Variants in C11orf24 observed in about 807,000 individuals in gnomAD.
C11orf24 encodes the protein uncharacterized protein C11orf24.
A neutral mutation model predicts 7.3 loss-of-function variants in C11orf24; 5 were observed. The ratio of observed to expected loss-of-function variants is 0.69; its 90% CI spans 0.36 to 1.45. C11orf24 has a LOEUF of 1.45. Ranked by LOEUF, C11orf24 falls within the 40% of genes most tolerant of loss-of-function variation. C11orf24 has a pLI of 0.03. For missense variants in C11orf24, 566 were observed against 590.5 expected, an observed-to-expected ratio of 0.96 and a Z score of 0.43; for synonymous variants, 233 against 235.7, an observed-to-expected ratio of 0.99 and a Z score of 0.11.
Position 68,262,476 on chromosome 11 carries a change from G to T in C11orf24, c.519C>A (p.Ser173=). 1 of 1,614,136 alleles carries T rather than the reference G, an allele frequency of 6.2e-7. No homozygotes were observed. Among genetic ancestry groups the T allele is most frequent in the Non-Finnish European group, 8.5e-7 (1 of 1,180,018 alleles). ...TLALPAPTST[S]TGRTPSTTAT... is the part of the protein sequence containing the mutation. ...CGGTAGTGGACGGGGTCCGCCCTGT[G>T]GAAGTGGACGTGGGCGCGGGGAGTG... Residue 173 remains serine (S), a synonymous_variant, in exon 4 of 4, where the codon TCC becomes TCA. Transcript: ENST00000304271.
rs1287133688 is a variant in C11orf24, at chr11:68,262,233, T to G, written c.762A>C (p.Gln254His). Reference sequence around the variant, plus strand: ...CCACTGACACCTGGCTAATGGGACCTTGTGCTTGGGGACGCATAGGGGGTA... The same window carrying G: ...CCACTGACACCTGGCTAATGGGACCGTGTGCTTGGGGACGCATAGGGGGTA... ...SPVPPMRPQAQGPISQVSVDQ... is the reference protein window; with the variant it reads ...SPVPPMRPQAHGPISQVSVDQ... Residue 254 changes from glutamine (Q) to histidine (H), a missense_variant, in exon 4 of 4, where the codon CAA (glutamine) becomes CAC (histidine). Gln to His is a conservative substitution (Grantham distance 24, BLOSUM62 0). Transcript: ENST00000304271. The G allele has an allele frequency of 6.2e-7, 1 of 1,612,966 alleles. No individual in the cohort carries two copies. Among genetic ancestry groups the G allele is most frequent in the African/African-American group, 1.3e-5 (1 of 75,016 alleles).
At chr11:68,266,180 A>G (rs1040115642) in intron 2 of C11orf24, among the ~76,000 whole-genome samples, 1 of 152,118 alleles carries the variant, frequency 6.6e-6, no homozygotes, top group Admixed American at 6.6e-5. Context: ...CAGCCACAGG[A>G]CCTCTGAGCC....
rs372084970 is a variant in C11orf24 at position 68,262,374 on chromosome 11, C to T, written c.621G>A (p.Leu207=). ...TCTGAGCACGTGTGGCCAATGTGGC[C>T]AGGGTTGCTGTTCTTGGCAACGCGC... ...KSSALPRTAT[L]ATLATRAQTV... The change falls in exon 4 of 4, where the codon CTG becomes CTA. Residue 207 remains leucine, a synonymous_variant. Coordinates refer to ENST00000304271, the MANE Select transcript of C11orf24 (RefSeq NM_022338.4). 4 of 1,614,150 alleles carry T rather than the reference C, an allele frequency of 2.5e-6. No individual in the cohort carries two copies. The highest frequency in any genetic ancestry group is 3.4e-6 in the Non-Finnish European group (4 of 1,180,014).
chr11:68,266,318 C>T (rs2098565107), intron 2 of C11orf24, among the ~76,000 whole-genome samples: 1 of 152,234 alleles, frequency 6.6e-6, no homozygotes, highest in South Asian at 2.1e-4. Context: ...CACTGCGCAA[C>T]AAGAAGCCCC....
intron 1 of C11orf24, among the ~76,000 whole-genome samples, chr11:68,268,910 C>A (rs571756968): frequency 6.6e-6 from 1 of 152,302 alleles, no homozygotes; most frequent in African/African-American, 2.4e-5. Flanking sequence ...CAACTCTCTA[C>A]TTATTGACAT....
chr11:68,261,937 G>T lies in C11orf24; in HGVS notation c.1058C>A (p.Pro353Gln), dbSNP rs760758424. ...TGTTGGCCCAGTGGAATCAGTACCT[G>T]GTGTGGCTTCAGTCTCTACCTGCTC... is the stretch of plus-strand genomic sequence containing the variant. ...APEQVETEAT[P>Q]GTDSTGPTPR... Residue 353 changes from proline to glutamine, a missense_variant, in exon 4 of 4, where the codon CCA becomes CAA. By Grantham distance (76) the Pro-to-Gln change is moderately conservative. Transcript: ENST00000304271. 1.2e-6 allele frequency: 2 copies of T among 1,613,912 alleles called. No homozygotes were observed. The highest frequency in any genetic ancestry group is 1.7e-6 in the Non-Finnish European group (2 of 1,180,040).
At position 68,263,714 on chromosome 11, in the gene C11orf24, G is replaced by A; in HGVS notation, c.54C>T (p.Ser18=). The stretch of plus-strand genomic sequence containing the variant: ...TACGTGGATCGTTGGATGCCGCATG[G>A]CTTTCAGATAAGGACAAGGAGAAAA... The part of the protein sequence containing the change: ...IWIFSLSLSE[S]HAASNDPRNF... Residue 18 remains serine (S), a synonymous_variant, in exon 3 of 4, where the codon AGC becomes AGT. Coordinates refer to ENST00000304271, the MANE Select transcript of C11orf24 (RefSeq NM_022338.4). 1 of 1,613,632 alleles carries A rather than the reference G, an allele frequency of 6.2e-7. No homozygotes were observed. Among genetic ancestry groups the A allele is most frequent in the South Asian group, 1.1e-5 (1 of 91,064 alleles).
intron 2 of C11orf24, among the ~76,000 whole-genome samples, chr11:68,264,796 A>T (rs1422533667): frequency 6.7e-6 from 1 of 148,332 alleles, no homozygotes; most frequent in Non-Finnish European, 1.5e-5. Flanking sequence ...AAAAGGTGAA[A>T]AACACACAAG....
In C11orf24 at chr11:68,262,738, C is replaced by T. The variant is rs771240712; in HGVS notation, c.257G>A (p.Arg86Lys). 3 of 1,614,176 alleles carry T rather than the reference C, an allele frequency of 1.9e-6. No individual in the cohort carries two copies. Among genetic ancestry groups the T allele is most frequent in the South Asian group, 1.1e-5 (1 of 91,088 alleles). The change falls in exon 4 of 4, where the codon AGG becomes AAG. Residue 86 changes from arginine (R) to lysine (K), a missense_variant. By Grantham distance (26) the Arg-to-Lys change is conservative. Transcript: ENST00000304271. Reference sequence around the variant, plus strand: ...AGTTGCTGGTTCACTCACATCTGTCCTGCTTGTGTCCTCTGTTGTGACTTC... The same window carrying T: ...AGTTGCTGGTTCACTCACATCTGTCTTGCTTGTGTCCTCTGTTGTGACTTC... ...SMEVTTEDTS[R>K]TDVSEPATSG... is the part of the protein sequence containing the mutation.
At chr11:68,268,645 T>C (rs962680421) in intron 1 of C11orf24, among the ~76,000 whole-genome samples, 5 of 152,214 alleles carry the variant, frequency 3.3e-5, no homozygotes, top group Middle Eastern at 3.4e-3. Flanking sequence ...TGAGCCGAGA[T>C]TGAGCCACTG....
At chr11:68,264,641 CTCAT>C (rs2098563986) in intron 2 of C11orf24, among the ~76,000 whole-genome samples, 3 of 7,212 alleles carry the variant, frequency 4.2e-4, no homozygotes, top group African/African-American at 4.6e-4. Flanking sequence ...CATCCACCCA[CTCAT>C]CCATCCATCC....
rs79903248 is a variant in C11orf24 at position 68,261,913 on chromosome 11, G to A, written c.1082C>T (p.Thr361Ile). ...CTTAGTGCCCCCTGAGCTCCTGGGT[G>A]TTGGCCCAGTGGAATCAGTACCTGG... Reference protein sequence around the residue: ...ATPGTDSTGPTPRSSGGTKMP... With the variant: ...ATPGTDSTGPIPRSSGGTKMP... Residue 361 changes from threonine to isoleucine, a missense_variant, in exon 4 of 4, where the codon ACA (threonine) becomes ATA (isoleucine). Transcript: ENST00000304271. The A allele has an allele frequency of 1.4e-3, 2,285 of 1,613,968 alleles. 33 individuals are homozygous for A. The African/African-American group carries it at 0.028, about 20-fold the overall frequency.
Position 68,261,404 on chromosome 11 carries a change from C to T in C11orf24, c.*241G>A. On this transcript the variant is annotated 3_prime_UTR_variant, in exon 4 of 4. Coordinates refer to ENST00000304271, the MANE Select transcript of C11orf24 (RefSeq NM_022338.4). Reference sequence around the variant, plus strand: ...CCTGGGGAGACGGGGTCCTGCCCGCCCCACCCTGAGGTGGAACCCCCAGCT... The same window carrying T: ...CCTGGGGAGACGGGGTCCTGCCCGCTCCACCCTGAGGTGGAACCCCCAGCT... 1 of 488,226 alleles carries T rather than the reference C, an allele frequency of 2.0e-6. No individual in the cohort carries two copies. Among genetic ancestry groups the T allele is most frequent in the South Asian group, 2.7e-5 (1 of 36,458 alleles). 30.2% of individuals were successfully genotyped at this position (488,226 alleles called of 1,614,324 possible).
In C11orf24 at chr11:68,261,613, G is replaced by T. The variant is rs1385635787; in HGVS notation, c.*32C>A. 6.4e-7 allele frequency: 1 copy of T among 1,562,056 alleles called. No homozygotes were observed. ...AAGGCAAAAGGAAAGGACGAGGAAGGGGCCAGGCCTCCCGCCAGGCCCCCG... is the reference window on the plus strand; with the variant it reads ...AAGGCAAAAGGAAAGGACGAGGAAGTGGCCAGGCCTCCCGCCAGGCCCCCG... On this transcript the variant is annotated 3_prime_UTR_variant, in exon 4 of 4. Transcript: ENST00000304271.
intron 1 of C11orf24, among the ~76,000 whole-genome samples, chr11:68,269,383 A>C (rs2098566758): frequency 6.6e-6 from 1 of 152,188 alleles, no homozygotes; most frequent in Non-Finnish European, 1.5e-5. Flanking sequence ...ACCGGCACAA[A>C]TGCTTCTCTC....
intron 1 of C11orf24, among the ~76,000 whole-genome samples, chr11:68,269,926 G>C (rs1285417120): frequency 6.6e-6 from 1 of 152,178 alleles, no homozygotes; most frequent in Admixed American, 6.5e-5. Flanking sequence ...GATCCCATGC[G>C]GGAACCTGTG....
chr11:68,268,492 C>A (rs955916429), intron 1 of C11orf24, among the ~76,000 whole-genome samples: 2 of 152,178 alleles, frequency 1.3e-5, no homozygotes, highest in African/African-American at 4.8e-5. Flanking sequence ...CAGTTCGAGA[C>A]CAGCCTGACC....
Position 68,263,881 on chromosome 11 carries a change from G to A in C11orf24, c.-99-15C>T. On this transcript the variant is annotated splice_polypyrimidine_tract_variant and intron_variant, in intron 2 of 3. Transcript: ENST00000304271. ...GGCCAAGGGATCTGTGGTCAAGAAAGCACGCTGGTCAGAAGGCGTCTGGCC... is the reference window on the plus strand; with the variant it reads ...GGCCAAGGGATCTGTGGTCAAGAAAACACGCTGGTCAGAAGGCGTCTGGCC... The A allele has an allele frequency of 1.2e-6, 1 of 848,864 alleles. No homozygotes were observed. The highest frequency in any genetic ancestry group is 1.8e-6 in the Non-Finnish European group (1 of 541,092). The allele number at this position is 848,864 out of a possible 1,614,324, so 52.6% of individuals were successfully genotyped here. A position where few individuals can be genotyped will look rare whatever the true frequency, so the allele number is the denominator to read the frequency against.
intron 1 of C11orf24, among the ~76,000 whole-genome samples, chr11:68,270,852 G>A (rs1222361383): frequency 6.6e-6 from 1 of 152,192 alleles, no homozygotes; most frequent in Non-Finnish European, 1.5e-5. Context: ...CTGAACTTTG[G>A]TAGCAGAAGC....
Sources: gnomAD v4.1 joint callset for allele counts (sites outside exome capture counted in the v4.1 genomes callset) on GRCh38, gnomAD v4.1.1 for gene constraint, MANE v1.5 for transcripts, NCBI Gene and HGNC (gene_info 2026-07-23, HGNC 2026-07-21) for gene names.